The following PTPRH variants were observed in gnomAD, a reference collection of about 807,000 sequenced individuals.
The protein encoded by PTPRH is protein tyrosine phosphatase receptor type H.
A neutral mutation model predicts 130.2 loss-of-function variants in PTPRH; 113 were observed. The ratio of observed to expected loss-of-function variants is 0.87; its 90% CI spans 0.75 to 1.01. The LOEUF (loss-of-function observed/expected upper bound fraction) is 1.01, where lower values mean the gene tolerates loss of function less well. Ranked by LOEUF, PTPRH falls within the 50% of genes least tolerant of loss-of-function variation. The pLI, the probability that PTPRH is intolerant of heterozygous loss-of-function variation, is 0.00. For missense variants in PTPRH, 1,430 were observed against 1,425.0 expected, an observed-to-expected ratio of 1.00 and a Z score of -0.06; for synonymous variants, 556 against 577.9, an observed-to-expected ratio of 0.96 and a Z score of 0.54.
Position 55,197,972 on chromosome 19 carries a change from G to T in PTPRH, c.1691-556C>A, listed in dbSNP as rs546431396. 2.6e-5 allele frequency among the ~76,000 whole-genome samples: 4 copies of T among 152,316 alleles called. No individual in the cohort carries two copies. In the South Asian group the frequency reaches 6.2e-4, roughly 24 times the overall value. On this transcript the variant is annotated intron_variant, in intron 8 of 19. Coordinates refer to ENST00000376350, the MANE Select transcript of PTPRH (RefSeq NM_002842.5). ...TCACTCCTGTAATCTCAGTGCTTTG[G>T]GAGGCCGAGGCGGGAGGATCACTTG... is the stretch of plus-strand genomic sequence containing the variant.
rs1201269021 is a variant in PTPRH, at chr19:55,186,089, G to C, written c.2779-105C>G. The C allele has an allele frequency of 8.2e-6, 13 of 1,591,556 alleles. No individual in the cohort carries two copies. The East Asian group carries it at 2.9e-4, about 36-fold the overall frequency. On this transcript the variant is annotated intron_variant, in intron 16 of 19. Transcript: ENST00000376350. ...CCAGCAGATGGGCTGGGGGGAGAGT[G>C]GGGAACAGGTCTACACTGAAGACGC...
chr19:55,202,138 T>G lies in PTPRH; in HGVS notation c.1071A>C (p.Glu357Asp). ...CGGAAAACACATACAAACACCCGGG[T>G]TCAAGTCTATCCACGGTGATGTTGG... The part of the protein sequence containing the change: ...AHTNITVDRL[E>D]PGCLYVFSVW... Residue 357 changes from glutamate to aspartate, a missense_variant, in exon 6 of 20, where the codon GAA (glutamate) becomes GAC (aspartate). Glu to Asp is a conservative substitution (Grantham distance 45). Coordinates refer to ENST00000376350, the MANE Select transcript of PTPRH (RefSeq NM_002842.5). The G allele has an allele frequency of 6.2e-7, 1 of 1,613,968 alleles. No homozygotes were observed.
At chr19:55,207,374 A>G in intron 1 of PTPRH, 175 bp from the exon 2 acceptor site, 1 of 652,512 alleles carries the variant, frequency 1.5e-6, no homozygotes, top group Non-Finnish European at 2.7e-6. Flanking sequence ...TGGGTCGAGG[A>G]GAGAAGGGGG....
chr19:55,196,015 T>G (rs1293115281), intron 10 of PTPRH, among the ~76,000 whole-genome samples: 1 of 152,056 alleles, frequency 6.6e-6, no homozygotes, highest in Non-Finnish European at 1.5e-5. Flanking sequence ...TTGGGGGTAA[T>G]GAAAATGTTC....
intron 13 of PTPRH, 46 bp downstream of exon 13, chr19:55,188,032 G>A (rs2086414107): frequency 3.3e-6 from 5 of 1,498,002 alleles, no homozygotes; most frequent in Non-Finnish European, 4.6e-6. Flanking sequence ...TGGGGGTCTG[G>A]GCCACCGGAG....
At chr19:55,187,967 G>C in intron 13 of PTPRH, 111 bp downstream of exon 13, 1 of 727,486 alleles carries the variant, frequency 1.4e-6, no homozygotes, top group South Asian at 1.5e-5. Flanking sequence ...TGACATATGT[G>C]ATGCTACTTT....
intron 7 of PTPRH, among the ~76,000 whole-genome samples, chr19:55,199,702 GGGA>G (rs2086795027): frequency 6.7e-6 from 1 of 148,490 alleles, no homozygotes; most frequent in South Asian, 2.1e-4. Flanking sequence ...AAGGAAGGGA[GGGA>G]GGAGGGGAGG....
chr19:55,188,207 T>C (rs3803905), intron 12 of PTPRH, 39 bp from the exon 13 acceptor site: 556,608 of 1,521,872 alleles, frequency 0.37, 108,002 homozygotes, highest in African/African-American at 0.59. Context: ...AGACCGTAAC[T>C]TCTTTTAATC....
chr19:55,183,766 C>G (rs767229911), intron 18 of PTPRH, among the ~76,000 whole-genome samples: 8 of 152,150 alleles, frequency 5.3e-5, no homozygotes, highest in Non-Finnish European at 8.8e-5. Context: ...ATTTGTCACA[C>G]TCACAACGCT....
chr19:55,187,455 G>T, intron 14 of PTPRH, 58 bp downstream of exon 14: 1 of 1,423,168 alleles, frequency 7.0e-7, no homozygotes, highest in Non-Finnish European at 9.9e-7. Context: ...AAGGGGACTG[G>T]GGTGGGGTGC....
chr19:55,184,144 C>T (rs1224816305), intron 18 of PTPRH, among the ~76,000 whole-genome samples: 4 of 151,534 alleles, frequency 2.6e-5, no homozygotes, highest in African/African-American at 4.9e-5. Context: ...ATTAGCCGGG[C>T]GTGGTGGCAC....
rs1236535731 is a variant in PTPRH at position 55,200,556 on chromosome 19, G to A, written c.1154-54C>T. On this transcript the variant is annotated intron_variant, in intron 6 of 19. Transcript: ENST00000376350. ...TGTCGGAGATACAGAACAGAACGGG[G>A]CAGGAGTGGGCCCCTCACTGCCCTC... is the stretch of plus-strand genomic sequence containing the variant. 3.8e-6 allele frequency: 6 copies of A among 1,564,838 alleles called. No homozygotes were observed. In the Admixed American group the frequency reaches 8.9e-5, roughly 23 times the overall value.
At chr19:55,184,376 A>G (rs8106715) in intron 18 of PTPRH, among the ~76,000 whole-genome samples, 62,141 of 151,852 alleles carry the variant, frequency 0.41, 13,899 homozygotes, top group African/African-American at 0.58. Context: ...GGAGCAGTAG[A>G]ACTGTGTAAA....
rs145253735 is a variant in PTPRH, at chr19:55,196,531, C to G, written c.2248G>C (p.Glu750Gln). The G allele has an allele frequency of 6.2e-7, 1 of 1,611,030 alleles. No individual in the cohort carries two copies. Among genetic ancestry groups the G allele is most frequent in the Non-Finnish European group, 8.5e-7 (1 of 1,179,272 alleles). The change falls in exon 10 of 20, where the codon GAG (glutamate) becomes CAG (glutamine). Residue 750 changes from glutamate (E) to glutamine (Q), a missense_variant. Transcript: ENST00000376350. ...VVSHSVVCHT[E>Q]SAGVIAGAFV... ...GCGCGGCTCCGCTCACCTGCACTCT[C>G]GGTGTGGCAGACCACAGAGTGAGAC...
At chr19:55,197,992 C>T (rs958973132) in intron 8 of PTPRH, among the ~76,000 whole-genome samples, 2 of 152,172 alleles carry the variant, frequency 1.3e-5, no homozygotes, top group Non-Finnish European at 2.9e-5. Context: ...GCGGGAGGAT[C>T]ACTTGAGCCC....
intron 7 of PTPRH, 37 bp from the exon 8 acceptor site, chr19:55,198,949 C>A: frequency 6.7e-7 from 1 of 1,488,972 alleles, no homozygotes; most frequent in Non-Finnish European, 9.0e-7. Context: ...TCCACATCCC[C>A]TAGTCCTCAA....
chr19:55,189,478 C>T (rs1182429212), intron 12 of PTPRH, among the ~76,000 whole-genome samples: 1 of 152,196 alleles, frequency 6.6e-6, no homozygotes, highest in African/African-American at 2.4e-5. Context: ...TCCCACTGCC[C>T]TCCCCTTCCT....
At chr19:55,186,175 T>A in intron 16 of PTPRH, 50 bp downstream of exon 16, 5 of 1,580,524 alleles carry the variant, frequency 3.2e-6, no homozygotes, top group Non-Finnish European at 4.3e-6. Flanking sequence ...GGATGAGTGT[T>A]CGGGGCGGGG....
Position 55,204,047 on chromosome 19 carries a change from A to C in PTPRH, c.621T>G (p.Ala207=). 6.2e-7 allele frequency: 1 copy of C among 1,609,810 alleles called. No homozygotes were observed. Among genetic ancestry groups the C allele is most frequent in the Non-Finnish European group, 8.5e-7 (1 of 1,177,514 alleles). Residue 207 remains alanine, a splice_region_variant and synonymous_variant, in exon 5 of 20, where the codon GCT becomes GCG. Coordinates refer to ENST00000376350, the MANE Select transcript of PTPRH (RefSeq NM_002842.5). ...CTCTCAGGTTCCTCACTGGGTTGTG[A>C]GCTGAGAAATTAGGAAGAAAGATCT... ...SSRETRNATT[A]HNPVRNLRVE... is the part of the protein sequence containing the mutation.
Sources: allele counts gnomAD v4.1 joint callset (sites outside exome capture counted in the v4.1 genomes callset), GRCh38; gene constraint gnomAD v4.1.1; transcripts MANE v1.5; gene names NCBI Gene and HGNC (gene_info 2026-07-23, HGNC 2026-07-21).